The following ENTPD4 variants were observed in gnomAD, a reference collection of about 807,000 sequenced individuals.
ENTPD4 encodes Golgi UDPase.
In ENTPD4, 60 loss-of-function variants were observed where a neutral mutation model predicts 79.1. That is an observed-to-expected ratio of 0.76 (90% CI 0.62 to 0.94). The LOEUF (loss-of-function observed/expected upper bound fraction) is 0.94. Ranked by LOEUF, ENTPD4 falls within the 40% of genes least tolerant of loss-of-function variation. ENTPD4 has a pLI of 0.00. For missense variants in ENTPD4, 772 were observed against 775.1 expected (o/e 1.00, Z 0.05); for synonymous variants, 276 against 292.0 (o/e 0.95, Z 0.56).
intron 2 of ENTPD4, 142 bp downstream of exon 2, chr8:23,449,751 G>A (rs1800826075): frequency 1.4e-6 from 1 of 716,978 alleles, no homozygotes; most frequent in South Asian, 1.5e-5. Flanking sequence ...TACCTCACTG[G>A]GCCCTGGAAG....
At chr8:23,438,512 C>T (rs989797131) in intron 9 of ENTPD4, among the ~76,000 whole-genome samples, 6 of 152,110 alleles carry the variant, frequency 3.9e-5, no homozygotes, top group African/African-American at 1.4e-4. Context: ...TATAAAAGTC[C>T]AAGAGTAGTC....
chr8:23,436,989 T>G lies in ENTPD4; in HGVS notation c.1319A>C (p.Asp440Ala), dbSNP rs778850252. 1 of 1,613,104 alleles carries G rather than the reference T, an allele frequency of 6.2e-7. No individual in the cohort carries two copies. The highest frequency in any genetic ancestry group is 1.3e-5 in the African/African-American group (1 of 74,824). ...GTAGTCTCCCCCCATTCGTAACACA[T>G]CCTCGGTGCAGTAGTAGAATTCGGA... The part of the protein sequence containing the change: ...GFSEFYYCTE[D>A]VLRMGGDYNA... Residue 440 changes from aspartate to alanine, a missense_variant, in exon 10 of 13, where the codon GAT becomes GCT. Asp to Ala is a moderately radical substitution (Grantham distance 126, BLOSUM62 -2). Transcript: ENST00000358689.
chr8:23,440,293 G>C (rs1406249153), intron 8 of ENTPD4, among the ~76,000 whole-genome samples: 1 of 152,122 alleles, frequency 6.6e-6, no homozygotes, highest in African/African-American at 2.4e-5. Context: ...ATATATAATA[G>C]CAAGGGAAGG....
At chr8:23,451,365 C>T (rs866769513) in intron 1 of ENTPD4, among the ~76,000 whole-genome samples, 7 of 152,180 alleles carry the variant, frequency 4.6e-5, no homozygotes, top group Middle Eastern at 3.2e-3. Flanking sequence ...TTAACCTCAG[C>T]TTATCTAAAA....
intron 12 of ENTPD4, 84 bp from the exon 13 acceptor site, chr8:23,433,238 A>G (rs1800493090): frequency 1.5e-5 from 18 of 1,176,774 alleles, no homozygotes; most frequent in Non-Finnish European, 2.0e-5. Context: ...GGCGGGACCC[A>G]GGCCCCAGAG....
Position 23,431,797 on chromosome 8 carries a change from T to C in ENTPD4, c.*1129A>G, listed in dbSNP as rs1800458533. 7.1e-6 allele frequency: 7 copies of C among 985,312 alleles called. No homozygotes were observed. The highest frequency in any genetic ancestry group is 8.4e-6 in the Non-Finnish European group (7 of 829,928). The allele number at this position is 985,312 out of a possible 1,614,324, so 61.0% of individuals were successfully genotyped here. ...AAGTGGGCATGTGCTCTAGTTCCAA[T>C]AAAACCGAAACTGGTGAAACTAGGA... On this transcript the variant is annotated 3_prime_UTR_variant, in exon 13 of 13. Transcript: ENST00000358689.
At chr8:23,435,298 A>C (rs1800536496) in intron 11 of ENTPD4, 94 bp downstream of exon 11, 2 of 777,710 alleles carry the variant, frequency 2.6e-6, no homozygotes, top group Admixed American at 2.3e-5. Flanking sequence ...GAGTGAGAAG[A>C]AGCTGGACTG....
intron 8 of ENTPD4, among the ~76,000 whole-genome samples, chr8:23,440,924 C>T (rs2117287043): frequency 6.6e-6 from 1 of 152,334 alleles, no homozygotes; most frequent in South Asian, 2.1e-4. Flanking sequence ...CCCCCGCCGG[C>T]CACGCTATGC....
rs2117301323 is a variant in ENTPD4, at chr8:23,448,881, A to T, written c.67T>A (p.Cys23Ser). 6.2e-7 allele frequency: 1 copy of T among 1,614,124 alleles called. No homozygotes were observed. The highest frequency in any genetic ancestry group is 2.2e-5 in the East Asian group (1 of 44,880). The part of the protein sequence containing the change: ...SWHFSISPVG[C>S]PRILNTNLRQ... ...AAATTGGTATTCAGAATTCGAGGAC[A>T]CCCTACTGGAGATATGCTAAAATGC... Residue 23 changes from cysteine to serine, a missense_variant, in exon 3 of 13, where the codon TGT (cysteine) becomes AGT (serine). Physicochemically the swap from Cys to Ser is moderately radical, Grantham distance 112 (BLOSUM62 -1). Transcript: ENST00000358689.
chr8:23,454,377 C>G (rs569673719), intron 1 of ENTPD4, among the ~76,000 whole-genome samples: 2 of 152,108 alleles, frequency 1.3e-5, no homozygotes, highest in African/African-American at 4.8e-5. Context: ...CAAACTGGTC[C>G]TTGAGGAAGA....
chr8:23,433,977 A>G (rs1184689237), intron 12 of ENTPD4: 1 of 236,300 alleles, frequency 4.2e-6, no homozygotes, highest in African/African-American at 2.2e-5. Context: ...ATGTATTTAT[A>G]CATGCATTTA....
At chr8:23,443,643 C>T (rs1193781628) in intron 6 of ENTPD4, among the ~76,000 whole-genome samples, 2 of 152,126 alleles carry the variant, frequency 1.3e-5, no homozygotes, top group East Asian at 1.9e-4. Context: ...TGAAGACAAA[C>T]GGTTATCTTT....
intron 2 of ENTPD4, 30 bp downstream of exon 2, chr8:23,449,863 T>C (rs763090008): frequency 1.9e-6 from 3 of 1,586,672 alleles, no homozygotes; most frequent in Non-Finnish European, 2.6e-6. Context: ...CAAGATTTCA[T>C]GTTTCATGGT....
intron 8 of ENTPD4, 35 bp from the exon 9 acceptor site, chr8:23,439,950 A>G (rs1800638651): frequency 6.3e-7 from 1 of 1,588,554 alleles, no homozygotes; most frequent in African/African-American, 1.3e-5. Flanking sequence ...TTAATAGCTT[A>G]AGCTACTTTA....
chr8:23,448,876 A>C lies in ENTPD4; in HGVS notation c.72T>G (p.Pro24=), dbSNP rs1800809525. Residue 24 remains proline, a synonymous_variant, in exon 3 of 13, where the codon CCT becomes CCG. Coordinates refer to ENST00000358689, the MANE Select transcript of ENTPD4 (RefSeq NM_004901.5). ...WHFSISPVGC[P]RILNTNLRQI... is the part of the protein sequence containing the mutation. Reference sequence around the variant, plus strand: ...GGCGTAAATTGGTATTCAGAATTCGAGGACACCCTACTGGAGATATGCTAA... The same window carrying C: ...GGCGTAAATTGGTATTCAGAATTCGCGGACACCCTACTGGAGATATGCTAA... The C allele has an allele frequency of 6.2e-7, 1 of 1,614,032 alleles. No individual in the cohort carries two copies. Among genetic ancestry groups the C allele is most frequent in the Admixed American group, 1.7e-5 (1 of 60,010 alleles).
At position 23,448,879 on chromosome 8, in the gene ENTPD4, A is replaced by C. The variant is rs149064930; in HGVS notation, c.69T>G (p.Cys23Trp). Reference sequence around the variant, plus strand: ...GTAAATTGGTATTCAGAATTCGAGGACACCCTACTGGAGATATGCTAAAAT... The same window carrying C: ...GTAAATTGGTATTCAGAATTCGAGGCCACCCTACTGGAGATATGCTAAAAT... ...SWHFSISPVG[C>W]PRILNTNLRQ... The change falls in exon 3 of 13, where the codon TGT (cysteine) becomes TGG (tryptophan). Residue 23 changes from cysteine (C) to tryptophan (W), a missense_variant. Coordinates refer to ENST00000358689, the MANE Select transcript of ENTPD4 (RefSeq NM_004901.5). 2 of 1,614,022 alleles carry C rather than the reference A, an allele frequency of 1.2e-6. No homozygotes were observed. The highest frequency in any genetic ancestry group is 2.7e-5 in the African/African-American group (2 of 74,932).
At position 23,429,937 on chromosome 8, in the gene ENTPD4, G is replaced by A. The variant is rs1188538885; in HGVS notation, c.*2989C>T. ...CCTGGAGGAGGTTTAAAAGTGAGAAGCCCATGATATGGCTATGGAACATAA... is the reference window on the plus strand; with the variant it reads ...CCTGGAGGAGGTTTAAAAGTGAGAAACCCATGATATGGCTATGGAACATAA... On this transcript the variant is annotated 3_prime_UTR_variant, in exon 13 of 13. Transcript: ENST00000358689. 5 of 985,322 alleles carry A rather than the reference G, an allele frequency of 5.1e-6. No homozygotes were observed. The highest frequency in any genetic ancestry group is 9.4e-5 in the South Asian group (2 of 21,296). 61.0% of individuals were successfully genotyped at this position (985,322 alleles called of 1,614,324 possible).
chr8:23,457,299 G>T (rs1800976486), intron 1 of ENTPD4, among the ~76,000 whole-genome samples: 1 of 143,494 alleles, frequency 7.0e-6, no homozygotes, highest in Non-Finnish European at 1.5e-5. Flanking sequence ...CGACCGCCAG[G>T]TGTCCCCTGC....
At chr8:23,447,923 A>T (rs776333039) in intron 3 of ENTPD4, 38 bp from the exon 4 acceptor site, 2 of 1,543,322 alleles carry the variant, frequency 1.3e-6, no homozygotes, top group African/African-American at 1.4e-5. Flanking sequence ...ATTTAGACAA[A>T]GAATATCACC....
Sources: allele counts gnomAD v4.1 joint callset (sites outside exome capture counted in the v4.1 genomes callset), GRCh38; gene constraint gnomAD v4.1.1; transcripts MANE v1.5; gene names NCBI Gene and HGNC (gene_info 2026-07-23, HGNC 2026-07-21).